Variants in GRIN2A observed in about 807,000 individuals in gnomAD.
GRIN2A encodes glutamate receptor ionotropic, NMDA 2A.
GRIN2A carries 22 observed loss-of-function variants against 113.4 expected under a neutral mutation model. The observed-to-expected ratio is 0.19, with a 90% CI of 0.14 to 0.28. GRIN2A has a LOEUF of 0.28. GRIN2A is among the 10% of genes least tolerant of loss of function. GRIN2A has a pLI of 1.00. For missense variants in GRIN2A, 1,502 were observed against 1,887.0 expected (o/e 0.80, Z 3.78); for synonymous variants, 827 against 738.4 (o/e 1.12, Z -1.94).
intron 10 of GRIN2A, among the ~76,000 whole-genome samples, chr16:9,810,925 C>G (rs148441428): frequency 6.6e-6 from 1 of 152,124 alleles, no homozygotes; most frequent in Non-Finnish European, 1.5e-5. Flanking sequence ...GGGTTGGCCC[C>G]GGGCACTTTC....
chr16:9,930,979 C>T (rs1021015470), intron 3 of GRIN2A, among the ~76,000 whole-genome samples: 4 of 152,204 alleles, frequency 2.6e-5, no homozygotes, highest in African/African-American at 9.7e-5. Context: ...AGCCTGACTT[C>T]ATAACTCAAG....
chr16:9,979,186 A>G (rs1052464707), intron 2 of GRIN2A, among the ~76,000 whole-genome samples: 10 of 152,174 alleles, frequency 6.6e-5, no homozygotes, highest in African/African-American at 1.7e-4. Context: ...GGTGAAGAAG[A>G]TTCAAGCTCT....
At chr16:9,801,243 G>A (rs1567307419) in intron 10 of GRIN2A, among the ~76,000 whole-genome samples, 1 of 152,190 alleles carries the variant, frequency 6.6e-6, no homozygotes, top group South Asian at 2.1e-4. Context: ...TGAGATACTT[G>A]CAACGTCAAT....
intron 4 of GRIN2A, among the ~76,000 whole-genome samples, chr16:9,878,089 T>C (rs73500645): frequency 2.6e-5 from 4 of 152,234 alleles, no homozygotes; most frequent in African/African-American, 7.2e-5. Flanking sequence ...TTGATGGCAA[T>C]GGAAAACTAG....
chr16:10,180,525 G>T lies in GRIN2A; in HGVS notation c.-18-96C>A. ...GCTTCCTGCTCTAGGAGCCAGGCAT[G>T]GAACTCAGCAGCAGGATAGGCTGCT... On this transcript the variant is annotated intron_variant, in intron 1 of 12. Coordinates refer to ENST00000330684, the MANE Select transcript of GRIN2A (RefSeq NM_001134407.3). This position sits in a 1 kb window ranked among gnomAD's most constrained non-coding sequence, Gnocchi z 7.0. 6.5e-7 allele frequency: 1 copy of T among 1,528,014 alleles called. No individual in the cohort carries two copies. 94.7% of individuals were successfully genotyped at this position (1,528,014 alleles called of 1,614,324 possible). A position where few individuals can be genotyped will look rare whatever the true frequency, so the allele number is the denominator to read the frequency against.
At position 10,055,070 on chromosome 16, in the gene GRIN2A, AAAAAAAAAAAAAAAAGAAAAAAG is replaced by A. The variant is rs1567266359; in HGVS notation, c.415-116542_415-116520del. Among the ~76,000 whole-genome samples, 46 of 76,264 alleles carry A rather than the reference AAAAAAAAAAAAAAAAGAAAAAAG, an allele frequency of 6.0e-4. 5 individuals are homozygous for A. The highest frequency in any genetic ancestry group is 3.0e-3 in the East Asian group (4 of 1,346). 50.0% of individuals were successfully genotyped at this position (76,264 alleles called of 152,430 possible). Reference sequence around the variant, plus strand: ...CTCAAAAAAAAAAAAAAAAAAAAAAAAAAAAAAAAAAAAAAGAAAAAAGAAAGAAAGAAAGAAAAAAGAAAAAA... The same window carrying A: ...CTCAAAAAAAAAAAAAAAAAAAAAAAAAAGAAAGAAAGAAAAAAGAAAAAA... On this transcript the variant is annotated intron_variant, in intron 2 of 12. Transcript: ENST00000330684.
chr16:9,771,290 C>T (rs114348928), intron 11 of GRIN2A, among the ~76,000 whole-genome samples: 5,035 of 141,928 alleles, frequency 0.035, 191 homozygotes, highest in African/African-American at 0.098. Context: ...TATTTGCATT[C>T]TTTTTTCTCT....
At chr16:10,050,073 A>C (rs758915079) in intron 2 of GRIN2A, among the ~76,000 whole-genome samples, 6 of 152,178 alleles carry the variant, frequency 3.9e-5, no homozygotes, top group Non-Finnish European at 7.4e-5. Flanking sequence ...GGCCGAGAAG[A>C]CTTCACAGAA....
intron 2 of GRIN2A, among the ~76,000 whole-genome samples, chr16:10,104,138 T>A (rs946816438): frequency 6.6e-6 from 1 of 152,238 alleles, no homozygotes; most frequent in Non-Finnish European, 1.5e-5. Flanking sequence ...TCTCTAGGAC[T>A]AAATAAAAAT....
chr16:9,938,649 T>C, intron 2 of GRIN2A, 98 bp from the exon 3 acceptor site: 1 of 816,994 alleles, frequency 1.2e-6, no homozygotes, highest in Non-Finnish European at 2.1e-6. Flanking sequence ...AAATCACACA[T>C]CAATCATTTG....
chr16:10,089,979 T>G (rs1299380610), intron 2 of GRIN2A, among the ~76,000 whole-genome samples: 1 of 152,116 alleles, frequency 6.6e-6, no homozygotes, highest in Admixed American at 6.6e-5. Context: ...ACATGGAAAT[T>G]TTCCCTAATC....
intron 3 of GRIN2A, among the ~76,000 whole-genome samples, chr16:9,910,102 G>A (rs2044104450): frequency 6.6e-6 from 1 of 152,114 alleles, no homozygotes; most frequent in South Asian, 2.1e-4. Context: ...TCCATCAAAT[G>A]TCTGTTGATG....
chr16:10,035,551 G>T (rs1009776822), intron 2 of GRIN2A, among the ~76,000 whole-genome samples: 2 of 152,088 alleles, frequency 1.3e-5, no homozygotes, highest in African/African-American at 2.4e-5. Flanking sequence ...CTTCTCCAGG[G>T]TCTCACAGAC....
chr16:9,996,839 A>G (rs1192529187), intron 2 of GRIN2A, among the ~76,000 whole-genome samples: 3 of 152,346 alleles, frequency 2.0e-5, no homozygotes, highest in African/African-American at 7.2e-5. Flanking sequence ...AGTTCTTAAC[A>G]AAGAAAACAG....
intron 2 of GRIN2A, among the ~76,000 whole-genome samples, chr16:10,101,233 G>C (rs1249838452): frequency 6.6e-6 from 1 of 152,192 alleles, no homozygotes; most frequent in Admixed American, 6.5e-5. Flanking sequence ...TCTACTTCCT[G>C]CCTTCCCTAT....
At chr16:10,039,808 G>GGGAGGGAGAGAGAGAGA (rs1555469298) in intron 2 of GRIN2A, among the ~76,000 whole-genome samples, 30 of 63,818 alleles carry the variant, frequency 4.7e-4, no homozygotes, top group African/African-American at 2.0e-3. Context: ...GGGAGGGGGG[G>GGGAGGGAGAGAGAGAGA]GAGAAAGAGA....
chr16:9,989,923 C>T (rs116940906), intron 2 of GRIN2A, among the ~76,000 whole-genome samples: 3,767 of 152,252 alleles, frequency 0.025, 88 homozygotes, highest in Middle Eastern at 0.088. Context: ...GATATTTATA[C>T]ACTGCTGGTG....
intron 2 of GRIN2A, among the ~76,000 whole-genome samples, chr16:10,135,599 G>A (rs536451923): frequency 6.6e-6 from 1 of 152,174 alleles, no homozygotes; most frequent in Non-Finnish European, 1.5e-5. Flanking sequence ...TCAATTAAAG[G>A]AACAGATGAG....
At chr16:9,856,043 A>G (rs1045056744) in intron 4 of GRIN2A, among the ~76,000 whole-genome samples, 2 of 152,206 alleles carry the variant, frequency 1.3e-5, no homozygotes, top group Non-Finnish European at 2.9e-5. Context: ...GTTAACACTG[A>G]TTAGGGCTTT....
Sources: allele counts gnomAD v4.1 joint callset (sites outside exome capture counted in the v4.1 genomes callset), GRCh38; gene constraint gnomAD v4.1.1; non-coding constraint Gnocchi (gnomAD v3.1); transcripts MANE v1.5; gene names NCBI Gene and HGNC (gene_info 2026-07-23, HGNC 2026-07-21).